NTRK1: variants seen among roughly 807,000 people sequenced by gnomAD.
NTRK1 encodes the protein neurotrophic receptor tyrosine kinase 1.
NTRK1 carries 62 observed loss-of-function variants against 86.8 expected under a neutral mutation model. The observed-to-expected ratio is 0.71, with a 90% CI of 0.58 to 0.88. The LOEUF (loss-of-function observed/expected upper bound fraction) is 0.88. Ranked by LOEUF, NTRK1 falls within the 40% of genes least tolerant of loss-of-function variation. The pLI, the probability that NTRK1 is intolerant of heterozygous loss-of-function variation, is 0.00. For synonymous variants in NTRK1, 469 were observed against 456.6 expected (o/e 1.03, Z -0.35); for missense variants, 967 against 1,078.4 (o/e 0.90, Z 1.45).
chr1:156,875,753 G>C, intron 12 of NTRK1, 87 bp downstream of exon 12: 1 of 1,533,772 alleles, frequency 6.5e-7, no homozygotes, highest in Non-Finnish European at 8.8e-7. Context: ...CCCTAGGCCT[G>C]AACGATCCCT....
At chr1:156,831,200 GGA>G (rs1654460837) in intron 1 of NTRK1, among the ~76,000 whole-genome samples, 1 of 152,214 alleles carries the variant, frequency 6.6e-6, no homozygotes, top group South Asian at 2.1e-4. Flanking sequence ...AGTCATGGGT[GGA>G]GAGAGTGTCC....
At chr1:156,841,429 C>A (rs768781131) in intron 1 of NTRK1, 7 of 1,613,894 alleles carry the variant, frequency 4.3e-6, no homozygotes, top group Non-Finnish European at 5.9e-6. Flanking sequence ...CCTCCAGGAC[C>A]CCGCCATCCA....
chr1:156,855,945 G>A (rs1655393778), upstream of NTRK1, among the ~76,000 whole-genome samples: 1 of 151,894 alleles, frequency 6.6e-6, no homozygotes, highest in African/African-American at 2.4e-5. Flanking sequence ...GTGTTTGTAT[G>A]TGTATAATAT....
At chr1:156,817,136 T>A (rs2768764) in intron 1 of NTRK1, among the ~76,000 whole-genome samples, 28,132 of 151,094 alleles carry the variant, frequency 0.19, 2,957 homozygotes, top group Non-Finnish European at 0.25. Flanking sequence ...TCTTGGCCTG[T>A]TCTGAGCAGT....
rs1426132695 is a variant in NTRK1 at position 156,876,199 on chromosome 1, G to T, written c.1621G>T (p.Val541Leu). 11 of 1,613,978 alleles carry T rather than the reference G, an allele frequency of 6.8e-6. No individual in the cohort carries two copies. In the South Asian group the frequency reaches 1.2e-4, roughly 18 times the overall value. ...CCTGCCTGAGCAGGACAAGATGCTG[G>T]TGGCTGTCAAGGTGAGACCCTGCCC... ...NLLPEQDKMLVAVKALKEASE... is the reference protein window; with the variant it reads ...NLLPEQDKMLLAVKALKEASE... The change falls in exon 13 of 17, where the codon GTG (valine) becomes TTG (leucine). Residue 541 changes from valine to leucine, a missense_variant. Physicochemically the swap from Val to Leu is conservative, Grantham distance 32. Coordinates refer to ENST00000524377, the MANE Select transcript of NTRK1 (RefSeq NM_002529.4).
intron 11 of NTRK1, among the ~76,000 whole-genome samples, 168 bp from the exon 12 acceptor site, chr1:156,875,352 A>C (rs905102976): frequency 1.3e-5 from 2 of 152,040 alleles, no homozygotes; most frequent in African/African-American, 4.8e-5. Flanking sequence ...GAGCCAGCAC[A>C]GGGAGAGGCG....
At chr1:156,862,996 G>T (rs1421242068) in intron 1 of NTRK1, among the ~76,000 whole-genome samples, 2 of 151,780 alleles carry the variant, frequency 1.3e-5, no homozygotes, top group Admixed American at 1.3e-4. Flanking sequence ...GTTCCTATAA[G>T]TTAGGGAAAG....
chr1:156,816,016 C>T, intron 1 of NTRK1: 1 of 1,613,916 alleles, frequency 6.2e-7, no homozygotes, highest in Non-Finnish European at 8.5e-7. Flanking sequence ...CGCAGTGTAG[C>T]CCAGGTTCTG....
At chr1:156,864,567 C>T in intron 2 of NTRK1, 139 bp downstream of exon 2, 1 of 1,161,214 alleles carries the variant, frequency 8.6e-7, no homozygotes, top group Non-Finnish European at 1.3e-6. Context: ...AGTCAGGAAG[C>T]TCAGGGCTTT....
chr1:156,854,164 G>T lies in NTRK1; in HGVS notation c.51-10190G>T. 6.2e-7 allele frequency: 1 copy of T among 1,614,142 alleles called. No individual in the cohort carries two copies. Among genetic ancestry groups the T allele is most frequent in the African/African-American group, 1.3e-5 (1 of 75,068 alleles). On this transcript the variant is annotated intron_variant, in intron 2 of 16. Transcript: ENST00000392302. This position sits in a 1 kb window ranked among gnomAD's most constrained non-coding sequence, Gnocchi z 4.2. ...GCAGGTAGTCGGTGACCTGGGTGAG[G>T]CGAGGGAAGCTGAGGCCGCGGAAGT...
At chr1:156,880,554 AG>A (rs956975620) in intron 16 of NTRK1, 5 of 239,462 alleles carry the variant, frequency 2.1e-5, no homozygotes, top group African/African-American at 1.1e-4. Context: ...GACTGTCAGA[AG>A]GACAGTCCTA....
In NTRK1 at chr1:156,874,288, G is replaced by C. The variant is rs550964354; in HGVS notation, c.1178-95G>C. The C allele has an allele frequency of 6.4e-6, 10 of 1,574,108 alleles. No homozygotes were observed. The Admixed American group carries it at 1.5e-4, about 24-fold the overall frequency. ...CCCCCCTCGTCCCATGAAGGAATGA[G>C]TCCCAGAGTAGGCAGGGGACTCACT... On this transcript the variant is annotated intron_variant, in intron 8 of 16. Transcript: ENST00000524377.
chr1:156,815,838 G>A (rs1653855256), exon 1 of NTRK1: 1 of 1,613,742 alleles, frequency 6.2e-7, no homozygotes, highest in East Asian at 2.2e-5. Flanking sequence ...GCATGAAGGA[G>A]GTACTCCTCA....
chr1:156,861,071 CG>C lies in NTRK1; in HGVS notation c.140del (p.Gly47AspfsTer22), dbSNP rs1558095864. 2 of 1,572,086 alleles carry C rather than the reference CG, an allele frequency of 1.3e-6. No homozygotes were observed. Among genetic ancestry groups the C allele is most frequent in the African/African-American group, 2.7e-5 (2 of 74,320 alleles). ...CPDACCPHGS[S>X]GLRCTRDGAL... ...GATGCCTGCTGCCCCCACGGCTCCT[CG>C]GGACTGCGATGCACCCGGGATGGGG... On this transcript the variant is annotated frameshift_variant, in exon 1 of 17. Transcript: ENST00000524377. LOFTEE classifies it high-confidence loss of function.
rs2102915643 is a variant in NTRK1 at position 156,875,615 on chromosome 1, T to C, written c.1450T>C (p.Ser484Pro). 1 of 1,613,726 alleles carries C rather than the reference T, an allele frequency of 6.2e-7. No individual in the cohort carries two copies. Among genetic ancestry groups the C allele is most frequent in the Non-Finnish European group, 8.5e-7 (1 of 1,179,948 alleles). ...SSLSPTEGKG[S>P]GLQGHIIENP... Reference sequence around the variant, plus strand: ...CCTGTCCCCCACCGAGGGCAAAGGCTCTGGGCTCCAAGGCCACATCATCGA... The same window carrying C: ...CCTGTCCCCCACCGAGGGCAAAGGCCCTGGGCTCCAAGGCCACATCATCGA... The change falls in exon 12 of 17, where the codon TCT becomes CCT. Residue 484 changes from serine (S) to proline (P), a missense_variant. By Grantham distance (74) the Ser-to-Pro change is moderately conservative. Transcript: ENST00000524377.
chr1:156,828,491 T>A (rs546907682), intron 1 of NTRK1, among the ~76,000 whole-genome samples: 7 of 152,260 alleles, frequency 4.6e-5, no homozygotes. Context: ...TGCTGACTCC[T>A]CTTCCACGCT....
chr1:156,838,904 C>G (rs1203908668), intron 1 of NTRK1, among the ~76,000 whole-genome samples: 2 of 152,254 alleles, frequency 1.3e-5, no homozygotes, highest in African/African-American at 2.4e-5. Flanking sequence ...CAAATGCAGG[C>G]ATGCCTGTGT....
chr1:156,846,325 C>T (rs1044807808), intron 2 of NTRK1, among the ~76,000 whole-genome samples: 7 of 152,222 alleles, frequency 4.6e-5, no homozygotes, highest in South Asian at 4.1e-4. Context: ...CTATTGACCC[C>T]GGACTGTCCC....
intron 5 of NTRK1, 118 bp downstream of exon 5, chr1:156,868,367 G>A (rs374489740): frequency 1.7e-4 from 264 of 1,536,470 alleles, no homozygotes; most frequent in Non-Finnish European, 2.2e-4. Flanking sequence ...GGCAAAGGCT[G>A]GGGGAAACTG....
Sources: gnomAD v4.1 joint callset for allele counts (sites outside exome capture counted in the v4.1 genomes callset) on GRCh38, gnomAD v4.1.1 for gene constraint, Gnocchi (gnomAD v3.1) non-coding constraint, MANE v1.5 for transcripts, NCBI Gene and HGNC (gene_info 2026-07-23, HGNC 2026-07-21) for gene names.